The following SLC20A2 variants were observed in gnomAD, a reference collection of about 807,000 sequenced individuals.
SLC20A2 encodes the protein solute carrier family 20 member 2.
Under a neutral mutation model 61.0 loss-of-function variants are expected in SLC20A2, and 30 were observed. That is an observed-to-expected ratio of 0.49 (90% confidence interval 0.37 to 0.67). The LOEUF is 0.67. Ranked by LOEUF, SLC20A2 falls within the 30% of genes least tolerant of loss-of-function variation. SLC20A2 has a pLI of 0.00. For missense variants in SLC20A2, 626 were observed against 866.4 expected (o/e 0.72, Z 3.48); for synonymous variants, 351 against 353.3 (o/e 0.99, Z 0.07).
chr8:42,522,837 T>C (rs1264624242), intron 1 of SLC20A2, among the ~76,000 whole-genome samples: 1 of 114,588 alleles, frequency 8.7e-6, no homozygotes, highest in Non-Finnish European at 2.0e-5. Flanking sequence ...CCTGAGTAGC[T>C]AAGACTATAG....
At chr8:42,534,803 A>G (rs1295758369) in intron 1 of SLC20A2, 2 of 152,238 alleles carry the variant, frequency 1.3e-5, no homozygotes, top group Non-Finnish European at 2.9e-5. Flanking sequence ...GAATTATTCA[A>G]TGAAAGCCAA....
Position 42,462,990 on chromosome 8 carries a change from A to T in SLC20A2, c.516+15T>A. 3 of 1,513,430 alleles carry T rather than the reference A, an allele frequency of 2.0e-6. No homozygotes were observed. The highest frequency in any genetic ancestry group is 4.5e-5 in the East Asian group (2 of 44,132). 93.8% of individuals were successfully genotyped at this position (1,513,430 alleles called of 1,614,324 possible). ...TAGTTCTTAAGATTTAATTAAAAGT[A>T]GCAGCCCCACTTACCTTTTTTAAGA... On this transcript the variant is annotated intron_variant, in intron 4 of 10. Coordinates refer to ENST00000520262, the MANE Select transcript of SLC20A2 (RefSeq NM_001257180.2).
At chr8:42,528,864 T>A (rs1316096759) in intron 1 of SLC20A2, among the ~76,000 whole-genome samples, 3 of 151,870 alleles carry the variant, frequency 2.0e-5, no homozygotes, top group African/African-American at 7.3e-5. Context: ...ACGGGGTTTC[T>A]CCATGTTGGT....
intron 6 of SLC20A2, among the ~76,000 whole-genome samples, chr8:42,442,256 GT>G (rs1804850883): frequency 6.6e-6 from 1 of 152,150 alleles, no homozygotes; most frequent in Admixed American, 6.5e-5. Flanking sequence ...TATAGAACAT[GT>G]TTTTGGTGTC....
At chr8:42,538,653 A>T (rs1563560192) in intron 1 of SLC20A2, among the ~76,000 whole-genome samples, 1 of 152,216 alleles carries the variant, frequency 6.6e-6, no homozygotes, top group East Asian at 1.9e-4. Flanking sequence ...AGTGAAACAG[A>T]AGAAGTCCCT....
intron 1 of SLC20A2, among the ~76,000 whole-genome samples, chr8:42,482,693 G>C (rs1429262454): frequency 6.6e-6 from 1 of 152,048 alleles, no homozygotes; most frequent in African/African-American, 2.4e-5. Flanking sequence ...CTGCACTCCA[G>C]CCTGGACAAC....
chr8:42,447,460 A>G (rs374566739), intron 5 of SLC20A2, among the ~76,000 whole-genome samples: 165 of 152,198 alleles, frequency 1.1e-3, no homozygotes, highest in Middle Eastern at 0.01. Flanking sequence ...GGCAGATCAC[A>G]AGGTCAGGAG....
At chr8:42,515,572 T>C (rs967739014) in intron 1 of SLC20A2, among the ~76,000 whole-genome samples, 2 of 152,106 alleles carry the variant, frequency 1.3e-5, no homozygotes, top group African/African-American at 4.8e-5. Flanking sequence ...AGAACAGACC[T>C]AGGAAACCAG....
chr8:42,457,998 G>A lies in SLC20A2; in HGVS notation c.613+1898C>T, dbSNP rs182074775. Among the ~76,000 whole-genome samples the A allele has an allele frequency of 8.5e-5, 13 of 152,212 alleles. No homozygotes were observed. In the South Asian group the frequency reaches 1.0e-3, roughly 12 times the overall value. On this transcript the variant is annotated intron_variant, in intron 5 of 10. Transcript: ENST00000520262. ...GATTTCCACTATTTTGGAAGAGGGCGCTTTTCGATTATGATAGGACATGTC... is the reference window on the plus strand; with the variant it reads ...GATTTCCACTATTTTGGAAGAGGGCACTTTTCGATTATGATAGGACATGTC...
At chr8:42,434,530 C>T (rs1329447511) in intron 8 of SLC20A2, among the ~76,000 whole-genome samples, 3 of 151,974 alleles carry the variant, frequency 2.0e-5, no homozygotes, top group African/African-American at 7.3e-5. Flanking sequence ...GTCACTGAAA[C>T]TGGATTCCAA....
intron 1 of SLC20A2, among the ~76,000 whole-genome samples, chr8:42,490,160 G>T (rs1392553405): frequency 2.0e-5 from 3 of 152,096 alleles, no homozygotes; most frequent in Non-Finnish European, 4.4e-5. Flanking sequence ...GGTCACTGAG[G>T]ATAATTTCTT....
chr8:42,453,148 C>T (rs1479010670), intron 5 of SLC20A2, among the ~76,000 whole-genome samples: 2 of 152,126 alleles, frequency 1.3e-5, no homozygotes, highest in African/African-American at 2.4e-5. Context: ...TGACCTGCTT[C>T]GACTGTTCAA....
intron 5 of SLC20A2, among the ~76,000 whole-genome samples, chr8:42,452,164 G>A (rs1366101521): frequency 1.5e-5 from 2 of 137,136 alleles, no homozygotes; most frequent in Non-Finnish European, 3.1e-5. Flanking sequence ...GGAAGAGATG[G>A]AGGAGGAGGA....
At chr8:42,513,789 G>A (rs1235807312) in intron 1 of SLC20A2, among the ~76,000 whole-genome samples, 3 of 152,142 alleles carry the variant, frequency 2.0e-5, no homozygotes, top group African/African-American at 4.8e-5. Context: ...ATCCTGTAAC[G>A]GAAGTAAGGG....
chr8:42,431,263 A>C (rs1319616344), intron 8 of SLC20A2, among the ~76,000 whole-genome samples: 1 of 152,216 alleles, frequency 6.6e-6, no homozygotes, highest in Non-Finnish European at 1.5e-5. Context: ...ATAAGAAAGC[A>C]AAACAGCCTT....
chr8:42,417,742 T>C lies in SLC20A2; in HGVS notation c.*61A>G, dbSNP rs942813961. The C allele has an allele frequency of 4.5e-6, 7 of 1,571,028 alleles. No homozygotes were observed. The Admixed American group carries it at 5.0e-5, about 11-fold the overall frequency. On this transcript the variant is annotated 3_prime_UTR_variant, in exon 11 of 11. Transcript: ENST00000520262. Reference sequence around the variant, plus strand: ...TGTGTATGTGCGGCACGAGCACACATGTCTCCCACACGCCAACACCAGACC... The same window carrying C: ...TGTGTATGTGCGGCACGAGCACACACGTCTCCCACACGCCAACACCAGACC...
At chr8:42,480,633 C>A (rs1201197469) in intron 1 of SLC20A2, 1 of 152,038 alleles carries the variant, frequency 6.6e-6, no homozygotes, top group Non-Finnish European at 1.5e-5. Context: ...GGTGTGGAGT[C>A]TTCTACTATA....
intron 5 of SLC20A2, among the ~76,000 whole-genome samples, chr8:42,454,578 G>A (rs1343885858): frequency 6.6e-6 from 1 of 151,858 alleles, no homozygotes; most frequent in Non-Finnish European, 1.5e-5. Context: ...ATAAATACTG[G>A]TTGTGCTTCG....
intron 1 of SLC20A2, among the ~76,000 whole-genome samples, chr8:42,495,520 G>A (rs566881090): frequency 1.3e-4 from 20 of 152,288 alleles, no homozygotes; most frequent in Admixed American, 4.6e-4. Flanking sequence ...AGACACAGAT[G>A]TAGAAAATAA....
Sources: gnomAD v4.1 joint callset for allele counts (sites outside exome capture counted in the v4.1 genomes callset) on GRCh38, gnomAD v4.1.1 for gene constraint, MANE v1.5 for transcripts, NCBI Gene and HGNC (gene_info 2026-07-23, HGNC 2026-07-21) for gene names.